The following SGIP1 variants were observed in gnomAD, a reference collection of about 807,000 sequenced individuals.
SGIP1 encodes SH3-containing GRB2-like protein 3-interacting protein 1.
In SGIP1, 38 loss-of-function variants were observed where a neutral mutation model predicts 107.5. The observed-to-expected ratio is 0.35, with a 90% CI of 0.27 to 0.46. The LOEUF (loss-of-function observed/expected upper bound fraction) is 0.46. Among genes scored for constraint, SGIP1 ranks in the 20% least tolerant of loss-of-function variants. The pLI is 1.00. For synonymous variants in SGIP1, 365 were observed against 366.1 expected (o/e 1.00, Z 0.03); for missense variants, 929 against 1,019.5 (o/e 0.91, Z 1.21).
intron 1 of SGIP1, among the ~76,000 whole-genome samples, chr1:66,609,747 C>G (rs1420034855): frequency 6.6e-6 from 1 of 152,184 alleles, no homozygotes. Context: ...TCTGGGCCAA[C>G]CTGACTAGGA....
intron 1 of SGIP1, among the ~76,000 whole-genome samples, chr1:66,553,323 T>G (rs2148310066): frequency 6.6e-6 from 1 of 152,202 alleles, no homozygotes; most frequent in East Asian, 1.9e-4. Context: ...TAATTTATGC[T>G]CACTGCCTCT....
rs201800926 is a variant in SGIP1 at position 66,741,455 on chromosome 1, T to G, written c.2464+19T>G. The G allele has an allele frequency of 6.2e-5, 95 of 1,540,852 alleles. No individual in the cohort carries two copies. The highest frequency in any genetic ancestry group is 1.7e-4 in the Middle Eastern group (1 of 5,758). On this transcript the variant is annotated intron_variant, in intron 24 of 24. Transcript: ENST00000371037. ...GCTGCAGGTAAATGAGTATCTTGAT[T>G]TTTTCATTTGCGAAAATAATGTTGC...
At chr1:66,629,738 G>A (rs1176556425) in intron 2 of SGIP1, among the ~76,000 whole-genome samples, 3 of 152,172 alleles carry the variant, frequency 2.0e-5, no homozygotes, top group Admixed American at 6.5e-5. Context: ...AACCTCATTA[G>A]AGGGGGTTAG....
At chr1:66,722,843 G>C (rs1215318245) in intron 19 of SGIP1, among the ~76,000 whole-genome samples, 1 of 152,052 alleles carries the variant, frequency 6.6e-6, no homozygotes, top group Non-Finnish European at 1.5e-5. Context: ...CTGTAAGCTT[G>C]ATGTCTGCGG....
At chr1:66,592,831 C>T (rs11810610) in intron 1 of SGIP1, among the ~76,000 whole-genome samples, 7,603 of 147,012 alleles carry the variant, frequency 0.052, 594 homozygotes, top group African/African-American at 0.17. Context: ...TAGTTGGAAT[C>T]ATACAGTATG....
intron 1 of SGIP1, among the ~76,000 whole-genome samples, chr1:66,624,106 G>A (rs921501448): frequency 1.3e-5 from 2 of 152,104 alleles, no homozygotes; most frequent in African/African-American, 4.8e-5. Context: ...TTGAAACCCT[G>A]AGATGATAAT....
At chr1:66,595,468 T>C (rs564926174) in intron 1 of SGIP1, among the ~76,000 whole-genome samples, 2 of 152,358 alleles carry the variant, frequency 1.3e-5, no homozygotes, top group East Asian at 1.9e-4. Flanking sequence ...TTATTTCTCA[T>C]CAGTGTGCTG....
At chr1:66,716,310 C>A (rs536228691) in intron 18 of SGIP1, among the ~76,000 whole-genome samples, 3 of 152,236 alleles carry the variant, frequency 2.0e-5, no homozygotes, top group Admixed American at 6.6e-5. Flanking sequence ...ATTCACTTGG[C>A]AAGACTATGA....
In SGIP1 at chr1:66,660,520, G is replaced by T; in HGVS notation, c.467G>T (p.Ser156Ile). ...CCATGCCTACGCTTTTAGAGGAAAAGTCCGGTAAGAAATAAGTCCTTCCCG... is the reference window on the plus strand; with the variant it reads ...CCATGCCTACGCTTTTAGAGGAAAATTCCGGTAAGAAATAAGTCCTTCCCG... ...IALSPSPVRK[S>I]PRRSPGAIKR... is the part of the protein sequence containing the mutation. Residue 156 changes from serine to isoleucine, a missense_variant, in exon 8 of 25, where the codon AGT becomes ATT. Ser to Ile is a moderately radical substitution (Grantham distance 142). Transcript: ENST00000371037. 6.2e-7 allele frequency: 1 copy of T among 1,610,816 alleles called. No homozygotes were observed. Among genetic ancestry groups the T allele is most frequent in the African/African-American group, 1.3e-5 (1 of 74,950 alleles).
intron 13 of SGIP1, 84 bp downstream of exon 13, chr1:66,677,180 A>C: frequency 9.4e-7 from 1 of 1,062,314 alleles, no homozygotes; most frequent in South Asian, 1.3e-5. Context: ...CAACTCTTAA[A>C]AAGTCTATGT....
chr1:66,618,001 G>A (rs2069841487), intron 1 of SGIP1, among the ~76,000 whole-genome samples: 1 of 151,968 alleles, frequency 6.6e-6, no homozygotes, highest in South Asian at 2.1e-4. Context: ...CCTGGCATCA[G>A]GTGCTTCTCA....
At chr1:66,692,399 T>C (rs533754969) in intron 17 of SGIP1, among the ~76,000 whole-genome samples, 1 of 152,318 alleles carries the variant, frequency 6.6e-6, no homozygotes, top group Admixed American at 6.5e-5. Flanking sequence ...TTGATTTTGT[T>C]ATGTTTATTT....
chr1:66,659,940 AAAAGAAAGAAAAAGAAAG>A lies in SGIP1; in HGVS notation c.460-561_460-544del, dbSNP rs1487813935. The stretch of plus-strand genomic sequence containing the variant: ...ACAGAAAGAGAAAAAGAGAGAAAGA[AAAAGAAAGAAAAAGAAAG>A]AAAGAAAGAAAGAAAGAAAGAAAGA... On this transcript the variant is annotated intron_variant, in intron 7 of 24. Transcript: ENST00000371037. Among the ~76,000 whole-genome samples, 83 of 60,522 alleles carry A rather than the reference AAAAGAAAGAAAAAGAAAG, an allele frequency of 1.4e-3. 8 individuals carry two copies. Among genetic ancestry groups the A allele is most frequent in the Non-Finnish European group, 2.0e-3 (70 of 34,526 alleles). 39.7% of individuals were successfully genotyped at this position (60,522 alleles called of 152,430 possible). A position where few individuals can be genotyped will look rare whatever the true frequency, so the allele number is the denominator to read the frequency against.
At chr1:66,679,253 T>G (rs1286045352) in intron 13 of SGIP1, among the ~76,000 whole-genome samples, 1 of 152,180 alleles carries the variant, frequency 6.6e-6, no homozygotes, top group Non-Finnish European at 1.5e-5. Flanking sequence ...CAACCTGTGA[T>G]TTCCGTTATC....
chr1:66,679,868 G>GC, intron 14 of SGIP1, 116 bp downstream of exon 14: 1 of 958,986 alleles, frequency 1.0e-6, no homozygotes, highest in East Asian at 3.1e-5. Context: ...CACAATGTTG[G>GC]CATTCAGTTT....
chr1:66,559,913 T>C (rs1223907906), intron 1 of SGIP1, among the ~76,000 whole-genome samples: 3 of 151,712 alleles, frequency 2.0e-5, no homozygotes, highest in Admixed American at 2.0e-4. Context: ...AACAAGTAAA[T>C]ATGCAGAGGA....
intron 7 of SGIP1, among the ~76,000 whole-genome samples, chr1:66,645,680 G>C (rs990944289): frequency 6.6e-6 from 1 of 152,258 alleles, no homozygotes; most frequent in African/African-American, 2.4e-5. Flanking sequence ...AGTTGGTGTG[G>C]AAGAGTGAGC....
intron 19 of SGIP1, among the ~76,000 whole-genome samples, chr1:66,721,533 C>T (rs1225461274): frequency 6.6e-6 from 1 of 152,108 alleles, no homozygotes; most frequent in African/African-American, 2.4e-5. Context: ...TTCAGCCTCC[C>T]GAGTAGCTGG....
chr1:66,595,164 C>T (rs571309634), intron 1 of SGIP1, among the ~76,000 whole-genome samples: 18 of 152,306 alleles, frequency 1.2e-4, no homozygotes, highest in Admixed American at 9.2e-4. Flanking sequence ...ACACTTCGTG[C>T]TGATCATTGG....
Sources: gnomAD v4.1 joint callset for allele counts (sites outside exome capture counted in the v4.1 genomes callset) on GRCh38, gnomAD v4.1.1 for gene constraint, MANE v1.5 for transcripts, NCBI Gene and HGNC (gene_info 2026-07-23, HGNC 2026-07-21) for gene names.